BCAS1: variants seen among roughly 807,000 people sequenced by gnomAD.
BCAS1 encodes brain enriched myelin associated protein 1.
Under a neutral mutation model 65.4 loss-of-function variants are expected in BCAS1, and 46 were observed. The observed-to-expected ratio is 0.70, with a 90% confidence interval of 0.55 to 0.90. The LOEUF is 0.90. Ranked by LOEUF, BCAS1 falls within the 40% of genes least tolerant of loss-of-function variation. The probability of loss-of-function intolerance (pLI) is 0.00; values close to 1 mark genes in which losing one functional copy is unlikely to be tolerated. For synonymous variants in BCAS1, 298 were observed against 293.5 expected, an observed-to-expected ratio of 1.02 and a Z score of -0.16; for missense variants, 793 against 771.2, an observed-to-expected ratio of 1.03 and a Z score of -0.33.
At chr20:54,043,768 T>A (rs1470382606) in intron 3 of BCAS1, among the ~76,000 whole-genome samples, 1 of 152,138 alleles carries the variant, frequency 6.6e-6, no homozygotes, top group East Asian at 1.9e-4. Flanking sequence ...AAACTGCACA[T>A]CTAACCGGTA....
chr20:53,986,332 G>T (rs1175304221), intron 7 of BCAS1, among the ~76,000 whole-genome samples: 1 of 152,040 alleles, frequency 6.6e-6, no homozygotes, highest in East Asian at 1.9e-4. Context: ...CTTCAGCAAG[G>T]GGGTGTTAAT....
Position 54,058,724 on chromosome 20 carries a change from C to T in BCAS1, c.-5-1G>A. ...ACACTCATTTGGTTACCCATTGCTC[C>T]TATAATGGAGAGAAAGAGAGGAAGA... On this transcript the variant is annotated splice_acceptor_variant, in intron 1 of 12. Transcript: ENST00000688948. LOFTEE classifies it low-confidence loss of function (5UTR_SPLICE). The T allele has an allele frequency of 6.2e-7, 1 of 1,607,334 alleles. No homozygotes were observed. Among genetic ancestry groups the T allele is most frequent in the Non-Finnish European group, 8.5e-7 (1 of 1,177,802 alleles).
intron 8 of BCAS1, among the ~76,000 whole-genome samples, chr20:53,977,272 G>C (rs566997981): frequency 1.3e-5 from 2 of 152,232 alleles, no homozygotes; most frequent in East Asian, 3.9e-4. Flanking sequence ...TTTGGGTGGG[G>C]ACACAGCCAA....
chr20:54,050,523 C>T (rs945182394), intron 3 of BCAS1, among the ~76,000 whole-genome samples: 4 of 152,170 alleles, frequency 2.6e-5, no homozygotes, highest in African/African-American at 9.7e-5. Context: ...AGAGGATGAA[C>T]AAAACTCATT....
intron 1 of BCAS1, among the ~76,000 whole-genome samples, chr20:54,064,722 G>A (rs774704525): frequency 5.9e-5 from 9 of 152,210 alleles, no homozygotes; most frequent in African/African-American, 7.2e-5. Context: ...TCCCACGATC[G>A]TGAGGCTTTG....
Position 53,967,163 on chromosome 20 carries a change from G to A in BCAS1, c.1318-90C>T, listed in dbSNP as rs141548922. On this transcript the variant is annotated intron_variant, in intron 9 of 12. Transcript: ENST00000688948. ...AAAGTGGGGTCCTTGTTGCCCCCCT[G>A]TCCACATAGTAGCTACAGTTTTGAA... The A allele has an allele frequency of 2.0e-3, 2,584 of 1,299,158 alleles. 7 individuals are homozygous for A. The highest frequency in any genetic ancestry group is 2.4e-3 in the Non-Finnish European group (2,248 of 920,190). The allele number at this position is 1,299,158 out of a possible 1,614,324, so 80.5% of individuals were successfully genotyped here.
rs11483550 is a variant in BCAS1, at chr20:54,027,803, C to CAA, written c.723+587_723+588dup. Reference sequence around the variant, plus strand: ...CAACACAAAAAAACCCCCCAAAAAACAAAAAAAAAACCCAAAACCCCTAGT... The same window carrying CAA: ...CAACACAAAAAAACCCCCCAAAAAACAAAAAAAAAAAACCCAAAACCCCTAGT... On this transcript the variant is annotated intron_variant, in intron 4 of 12. Coordinates refer to ENST00000688948, the MANE Select transcript of BCAS1 (RefSeq NM_001366298.2). 2.5e-3 allele frequency among the ~76,000 whole-genome samples: 372 copies of CAA among 147,346 alleles called. 2 individuals are homozygous for CAA. The highest frequency in any genetic ancestry group is 5.5e-3 in the East Asian group (28 of 5,052).
intron 4 of BCAS1, among the ~76,000 whole-genome samples, chr20:54,011,793 C>T (rs115925764): frequency 0.013 from 1,951 of 152,266 alleles, 42 homozygotes; most frequent in African/African-American, 0.044. Flanking sequence ...TCACTTGACC[C>T]TGGGTGGCTG....
At chr20:53,992,728 T>C in intron 6 of BCAS1, 82 bp from the exon 7 acceptor site, 1 of 1,274,514 alleles carries the variant, frequency 7.8e-7, no homozygotes, top group Non-Finnish European at 1.0e-6. Flanking sequence ...TAAAGTGCAT[T>C]AATACGCTGT....
In BCAS1 at chr20:54,026,754, C is replaced by T. The variant is rs187235276; in HGVS notation, c.723+1638G>A. On this transcript the variant is annotated intron_variant, in intron 4 of 12. Transcript: ENST00000688948. ...GCAGGAATATTGACGACTAGTTTAC[C>T]GCCTCTGGGCACGTAACTTTCAGGT... is the stretch of plus-strand genomic sequence containing the variant. 2.8e-3 allele frequency among the ~76,000 whole-genome samples: 428 copies of T among 152,320 alleles called. 2 individuals are homozygous for T. Among genetic ancestry groups the T allele is most frequent in the Admixed American group, 6.9e-3 (106 of 15,300 alleles).
At chr20:54,063,088 C>T (rs1447800488) in intron 1 of BCAS1, among the ~76,000 whole-genome samples, 11 of 152,148 alleles carry the variant, frequency 7.2e-5, no homozygotes, top group Non-Finnish European at 1.5e-4. Context: ...TTCAGTGCCC[C>T]AAAGGTCCTG....
chr20:54,038,015 A>AAACCATCCAAAG (rs1438451920), intron 3 of BCAS1, among the ~76,000 whole-genome samples: 1 of 151,258 alleles, frequency 6.6e-6, no homozygotes, highest in Non-Finnish European at 1.5e-5. Flanking sequence ...CATTTGCATA[A>AAACCATCCAAAG]AACCATCCAA....
chr20:54,004,725 C>T (rs2091143645), intron 4 of BCAS1, among the ~76,000 whole-genome samples: 2 of 152,172 alleles, frequency 1.3e-5, no homozygotes, highest in African/African-American at 4.8e-5. Context: ...TGAAGTTATG[C>T]TTTCACTGTG....
chr20:54,044,806 C>T (rs2092067640), intron 3 of BCAS1, among the ~76,000 whole-genome samples: 1 of 147,874 alleles, frequency 6.8e-6, no homozygotes, highest in African/African-American at 2.5e-5. Context: ...CCACTGCACT[C>T]CAGCTTGGGC....
intron 1 of BCAS1, among the ~76,000 whole-genome samples, chr20:54,063,746 T>G (rs2092403431): frequency 6.6e-6 from 1 of 152,150 alleles, no homozygotes; most frequent in African/African-American, 2.4e-5. Flanking sequence ...ATGGGAAAAC[T>G]GAGGCTCAAG....
At chr20:53,949,385 G>A (rs182320187) in intron 12 of BCAS1, among the ~76,000 whole-genome samples, 196 of 152,260 alleles carry the variant, frequency 1.3e-3, no homozygotes, top group African/African-American at 3.9e-3. Flanking sequence ...TAGAACTCAA[G>A]TAGCATGATG....
At chr20:54,032,900 T>C (rs1483263481) in intron 3 of BCAS1, among the ~76,000 whole-genome samples, 2 of 150,834 alleles carry the variant, frequency 1.3e-5, no homozygotes, top group African/African-American at 4.9e-5. Flanking sequence ...CCCATGACAA[T>C]ATTAGACAGA....
At position 54,028,751 on chromosome 20, in the gene BCAS1, C is replaced by G. The variant is rs200609261; in HGVS notation, c.364G>C (p.Asp122His). ...GCTGGAGCTTTATTGGAGCTGACAT[C>G]AAGCTTCACTGATCCAAGGGATGAA... ...ADSSLGSVKL[D>H]VSSNKAPANK... is the part of the protein sequence containing the mutation. Residue 122 changes from aspartate to histidine, a missense_variant, in exon 4 of 13, where the codon GAT becomes CAT. Physicochemically the swap from Asp to His is moderately conservative, Grantham distance 81. Coordinates refer to ENST00000688948, the MANE Select transcript of BCAS1 (RefSeq NM_001366298.2). The G allele has an allele frequency of 2.7e-4, 441 of 1,614,212 alleles. 2 individuals are homozygous for G. In the East Asian group the frequency reaches 6.3e-3, roughly 23 times the overall value.
chr20:53,953,459 C>T lies in BCAS1; in HGVS notation c.1788G>A (p.Gln596=). ...KLQKRPEKRQ[Q]SLGGFFKGLG... The stretch of plus-strand genomic sequence containing the variant: ...GGCCTTTAAAGAAGCCCCCAAGGGA[C>T]TGCTGCCGCTTCTCAGGTCTCTTTT... The change falls in exon 12 of 13, where the codon CAG becomes CAA. Residue 596 remains glutamine (Q), a synonymous_variant. Transcript: ENST00000688948. 6 of 1,614,114 alleles carry T rather than the reference C, an allele frequency of 3.7e-6. No individual in the cohort carries two copies. Among genetic ancestry groups the T allele is most frequent in the Non-Finnish European group, 5.1e-6 (6 of 1,180,030 alleles).
Sources: allele counts gnomAD v4.1 joint callset (sites outside exome capture counted in the v4.1 genomes callset), GRCh38; gene constraint gnomAD v4.1.1; transcripts MANE v1.5; gene names NCBI Gene and HGNC (gene_info 2026-07-23, HGNC 2026-07-21).